The following CYYR1 variants were observed in gnomAD, a reference collection of about 807,000 sequenced individuals.
The protein encoded by CYYR1 is cysteine and tyrosine-rich protein 1.
In CYYR1, 14 loss-of-function variants were observed where a neutral mutation model predicts 15.2. The ratio of observed to expected loss-of-function variants is 0.92; its 90% confidence interval spans 0.61 to 1.44. CYYR1 has a LOEUF of 1.44. Ranked by LOEUF, CYYR1 falls within the 40% of genes most tolerant of loss-of-function variation. The probability of loss-of-function intolerance (pLI) is 0.00; values close to 1 mark genes in which losing one functional copy is unlikely to be tolerated. For synonymous variants in CYYR1, 80 were observed against 77.4 expected (o/e 1.03, Z -0.18); for missense variants, 228 against 209.5 (o/e 1.09, Z -0.54).
intron 2 of CYYR1, among the ~76,000 whole-genome samples, chr21:26,540,320 CCA>C (rs1978457573): frequency 1.3e-5 from 2 of 152,150 alleles, no homozygotes; most frequent in South Asian, 4.1e-4. Flanking sequence ...GAGTAGCGTT[CCA>C]TTGATAAGGC....
Position 26,540,295 on chromosome 21 carries a change from G to GTGACA in CYYR1, c.176+25970_176+25971insTGTCA, listed in dbSNP as rs1978455103. On this transcript the variant is annotated intron_variant, in intron 2 of 3. Transcript: ENST00000652641. ...ATTGGAAGTGAATCAAAACTGGGAA[G>GTGACA]AAGGAAATGGAACTGAGTAGCGTTC... Among the ~76,000 whole-genome samples the GTGACA allele has an allele frequency of 2.0e-5, 3 of 152,202 alleles. No individual in the cohort carries two copies. In the South Asian group the frequency reaches 6.2e-4, roughly 31 times the overall value.
intron 1 of CYYR1, 21 bp from the exon 2 acceptor site, chr21:26,566,389 G>A (rs375745727): frequency 1.3e-6 from 2 of 1,569,294 alleles, no homozygotes; most frequent in Non-Finnish European, 1.8e-6. Flanking sequence ...AAAACCACTT[G>A]TGAGCAGTTA....
intron 1 of CYYR1, among the ~76,000 whole-genome samples, chr21:26,567,366 AG>A (rs1328929083): frequency 1.3e-5 from 2 of 152,196 alleles, no homozygotes; most frequent in East Asian, 3.9e-4. Flanking sequence ...TACTATGTGA[AG>A]GGGGAAGAGT....
At chr21:26,553,852 T>C (rs1189481569) in intron 2 of CYYR1, among the ~76,000 whole-genome samples, 2 of 152,206 alleles carry the variant, frequency 1.3e-5, no homozygotes, top group African/African-American at 2.4e-5. Context: ...ATGTATATTA[T>C]GCTGGTGGTG....
At chr21:26,524,652 CTGTG>C (rs2065842343) in intron 2 of CYYR1, among the ~76,000 whole-genome samples, 1 of 152,218 alleles carries the variant, frequency 6.6e-6, no homozygotes, top group Non-Finnish European at 1.5e-5. Flanking sequence ...CCTTCTCTCT[CTGTG>C]TAATTGACTT....
intron 2 of CYYR1, among the ~76,000 whole-genome samples, chr21:26,542,562 G>A (rs1026028461): frequency 6.6e-6 from 1 of 151,918 alleles, no homozygotes; most frequent in Non-Finnish European, 1.5e-5. Context: ...ATGCTTAATT[G>A]TTTTTTTCCT....
chr21:26,512,012 A>ACACT (rs1386086764), intron 2 of CYYR1, among the ~76,000 whole-genome samples: 25 of 150,360 alleles, frequency 1.7e-4, no homozygotes, highest in African/African-American at 6.2e-4. Context: ...ACACACACAC[A>ACACT]CTCTGCTTGA....
intron 2 of CYYR1, among the ~76,000 whole-genome samples, chr21:26,487,422 C>T (rs545256879): frequency 2.6e-5 from 4 of 152,194 alleles, no homozygotes; most frequent in South Asian, 2.1e-4. Flanking sequence ...CCTACTACAG[C>T]GCTGAAAGTC....
chr21:26,544,812 A>G (rs939544298), intron 2 of CYYR1, among the ~76,000 whole-genome samples: 33 of 152,106 alleles, frequency 2.2e-4, no homozygotes, highest in African/African-American at 8.0e-4. Context: ...AAGGCCGAGA[A>G]AGGTGGCTCA....
intron 2 of CYYR1, among the ~76,000 whole-genome samples, chr21:26,523,742 T>G (rs1368213611): frequency 5.3e-5 from 8 of 152,204 alleles, no homozygotes; most frequent in Non-Finnish European, 1.2e-4. Context: ...CAGAGAAGCC[T>G]TTGTGACCAC....
intron 2 of CYYR1, among the ~76,000 whole-genome samples, chr21:26,559,279 C>A (rs2123709027): frequency 6.6e-6 from 1 of 152,142 alleles, no homozygotes; most frequent in African/African-American, 2.4e-5. Flanking sequence ...TTTTTGTGCA[C>A]ACACATTGCC....
chr21:26,518,659 C>G (rs1284646414), intron 2 of CYYR1: 1 of 152,238 alleles, frequency 6.6e-6, no homozygotes, highest in Non-Finnish European at 1.5e-5. Flanking sequence ...GCTTTAATCT[C>G]CTCATTTGTG....
chr21:26,570,444 C>T (rs934126418), intron 1 of CYYR1, among the ~76,000 whole-genome samples: 1 of 152,138 alleles, frequency 6.6e-6, no homozygotes, highest in East Asian at 1.9e-4. Context: ...AGGGAGGAGA[C>T]AGAAGTTACT....
At chr21:26,533,303 G>C (rs1388320851) in intron 2 of CYYR1, among the ~76,000 whole-genome samples, 1 of 151,120 alleles carries the variant, frequency 6.6e-6, no homozygotes, top group South Asian at 2.1e-4. Flanking sequence ...GGAATTATGA[G>C]GACTGATAAT....
chr21:26,558,681 G>T (rs543597411), intron 2 of CYYR1, among the ~76,000 whole-genome samples: 4 of 152,110 alleles, frequency 2.6e-5, no homozygotes, highest in African/African-American at 9.7e-5. Flanking sequence ...ACATGTGTTT[G>T]TTTTCATAAA....
At chr21:26,565,197 A>G (rs1980523548) in intron 2 of CYYR1, among the ~76,000 whole-genome samples, 1 of 152,174 alleles carries the variant, frequency 6.6e-6, no homozygotes, top group Non-Finnish European at 1.5e-5. Context: ...CATGATCTCT[A>G]ATAGGAGCCT....
intron 2 of CYYR1, among the ~76,000 whole-genome samples, chr21:26,561,631 T>G (rs1195386892): frequency 1.3e-5 from 2 of 152,156 alleles, no homozygotes; most frequent in Non-Finnish European, 2.9e-5. Flanking sequence ...CTTGGTTTTT[T>G]TTCCTGTGGG....
intron 2 of CYYR1, among the ~76,000 whole-genome samples, chr21:26,546,316 A>G (rs756958562): frequency 1.3e-5 from 2 of 152,202 alleles, no homozygotes; most frequent in Non-Finnish European, 2.9e-5. Flanking sequence ...TCTGACTCCT[A>G]TTTTGAAACT....
At chr21:26,558,903 T>C (rs1388874277) in intron 2 of CYYR1, among the ~76,000 whole-genome samples, 1 of 152,210 alleles carries the variant, frequency 6.6e-6, no homozygotes, top group African/African-American at 2.4e-5. Flanking sequence ...TTCCAATGTT[T>C]TGCTATTTTT....
Sources: allele counts gnomAD v4.1 joint callset (sites outside exome capture counted in the v4.1 genomes callset), GRCh38; gene constraint gnomAD v4.1.1; transcripts MANE v1.5; gene names NCBI Gene and HGNC (gene_info 2026-07-23, HGNC 2026-07-21).